Variants in H4C15 observed in about 807,000 individuals in gnomAD.
H4C15 encodes histone H4.
At chr1:149,844,748 A>T in the H4C15 span, 1 of 152,072 alleles carries the variant, frequency 6.6e-6, no homozygotes, top group Non-Finnish European at 1.5e-5. Context: ...ACCCAATTAA[A>T]AACAGATTTT....
the H4C15 span, chr1:149,845,961 C>A: frequency 6.6e-6 from 1 of 151,904 alleles, no homozygotes; most frequent in African/African-American, 2.4e-5. Context: ...GTTGAAGACT[C>A]CTGGTAAATA....
chr1:149,849,714 CT>C (rs1351155624), downstream of H4C15, among the ~76,000 whole-genome samples: 1 of 152,164 alleles, frequency 6.6e-6, no homozygotes, highest in Non-Finnish European at 1.5e-5. Flanking sequence ...TTTAGGGTAT[CT>C]CAACTAGAAA....
the H4C15 span, chr1:149,846,532 T>C: frequency 1.3e-5 from 2 of 152,360 alleles, no homozygotes; most frequent in Admixed American, 1.3e-4. Flanking sequence ...CATTTTTTTA[T>C]TTTGAAAATT....
chr1:149,845,523 A>G, the H4C15 span: 7 of 152,254 alleles, frequency 4.6e-5, no homozygotes, highest in African/African-American at 1.7e-4. Flanking sequence ...TTCTCAGAAC[A>G]GAACATGGTA....
downstream of H4C15, chr1:149,850,285 A>T (rs781895116): frequency 2.2e-6 from 3 of 1,380,302 alleles, no homozygotes; most frequent in Admixed American, 2.0e-5. Flanking sequence ...AAGATTCTTT[A>T]ACTGAGGTGG....
the H4C15 span, chr1:149,846,942 T>TA: frequency 6.6e-6 from 1 of 152,220 alleles, no homozygotes; most frequent in Admixed American, 6.5e-5. Flanking sequence ...GTCATTCTCT[T>TA]ACAGTTTTGG....
downstream of H4C15, chr1:149,850,243 C>A (rs782680438): frequency 1.2e-5 from 13 of 1,098,292 alleles, no homozygotes; most frequent in Non-Finnish European, 1.6e-5. Context: ...GACGTGAAGC[C>A]AAAAACATCA....
chr1:149,846,490 A>G, the H4C15 span: 1 of 152,164 alleles, frequency 6.6e-6, no homozygotes, highest in Non-Finnish European at 1.5e-5. Flanking sequence ...TTCTGTACTA[A>G]TGTCTTTGAT....
chr1:149,845,730 C>A, the H4C15 span: 1 of 152,258 alleles, frequency 6.6e-6, no homozygotes, highest in East Asian at 1.9e-4. Context: ...ATAGAGTGCT[C>A]TTGGAGAATG....
At chr1:149,848,368 T>G in the H4C15 span, 1 of 152,190 alleles carries the variant, frequency 6.6e-6, no homozygotes, top group African/African-American at 2.4e-5. Flanking sequence ...TAACTGGAAG[T>G]CCAAAGGTGC....
downstream of H4C15, chr1:149,850,658 G>C (rs1378230838): frequency 1.1e-5 from 5 of 451,284 alleles, no homozygotes; most frequent in Middle Eastern, 5.2e-4. Context: ...CACGTAGATG[G>C]AGTAGCTCTC....
At chr1:149,848,084 A>G in the H4C15 span, 21 of 152,228 alleles carry the variant, frequency 1.4e-4, no homozygotes, top group African/African-American at 5.1e-4. Context: ...AAATTTTTTG[A>G]TTTAGTTTAT....
At chr1:149,845,568 G>C in the H4C15 span, 3 of 152,266 alleles carry the variant, frequency 2.0e-5, no homozygotes, top group Non-Finnish European at 4.4e-5. Context: ...CAAGCTTGGT[G>C]AATGTGAGAA....
the H4C15 span, chr1:149,846,018 A>G: frequency 2.6e-5 from 4 of 152,208 alleles, no homozygotes; most frequent in East Asian, 5.8e-4. Flanking sequence ...GAGAATCTGG[A>G]GTTTAGGAAA....
At chr1:149,850,201 C>G, downstream of H4C15, 1 of 732,130 alleles carries the variant, frequency 1.4e-6, no homozygotes, top group Non-Finnish European at 2.4e-6. Context: ...GTTATCTGTG[C>G]TTGGTGTTGT....
the H4C15 span, chr1:149,848,055 G>GA: frequency 6.6e-6 from 1 of 152,010 alleles, no homozygotes; most frequent in Non-Finnish European, 1.5e-5. Flanking sequence ...ACAGCCCCAG[G>GA]AAATTAGTAC....
downstream of H4C15, among the ~76,000 whole-genome samples, chr1:149,849,243 C>T (rs2092158555): frequency 6.6e-6 from 1 of 152,210 alleles, no homozygotes; most frequent in African/African-American, 2.4e-5. Flanking sequence ...CGTTGTTTTT[C>T]ACACTTTAGC....
At chr1:149,850,267 A>C, downstream of H4C15, 1 of 1,287,660 alleles carries the variant, frequency 7.8e-7, no homozygotes. Context: ...GGGACTGACA[A>C]CACAAGAAAG....
At chr1:149,850,288 T>G, downstream of H4C15, 1 of 1,386,166 alleles carries the variant, frequency 7.2e-7, no homozygotes, top group East Asian at 2.4e-5. Flanking sequence ...ATTCTTTAAC[T>G]GAGGTGGTTA....
Sources: allele counts gnomAD v4.1 joint callset (sites outside exome capture counted in the v4.1 genomes callset), GRCh38; gene constraint gnomAD v4.1.1; transcripts MANE v1.5; gene names NCBI Gene and HGNC (gene_info 2026-07-23, HGNC 2026-07-21).